Variants in ZSCAN5A observed in about 807,000 individuals in gnomAD.
ZSCAN5A encodes zinc finger and SCAN domain containing 5A.
In ZSCAN5A, 12 loss-of-function variants were observed where a neutral mutation model predicts 23.7. The ratio of observed to expected loss-of-function variants is 0.51; its 90% CI spans 0.32 to 0.82. ZSCAN5A has a LOEUF of 0.82. Among genes scored for constraint, ZSCAN5A ranks in the 40% least tolerant of loss-of-function variants. ZSCAN5A has a pLI of 0.03. For synonymous variants in ZSCAN5A, 257 were observed against 239.9 expected (o/e 1.07, Z -0.66); for missense variants, 597 against 617.9 (o/e 0.97, Z 0.36).
At chr19:56,244,496 T>C in intron 2 of ZSCAN5A, 2 of 1,495,452 alleles carry the variant, frequency 1.3e-6, no homozygotes, top group Non-Finnish European at 1.8e-6. Flanking sequence ...GCAGCTGGAC[T>C]CGAGAGGACC....
intron 2 of ZSCAN5A, among the ~76,000 whole-genome samples, chr19:56,252,202 G>C (rs182111118): frequency 0.013 from 2,007 of 152,310 alleles, 42 homozygotes; most frequent in African/African-American, 0.043. Context: ...GGGTAAGAGA[G>C]GATATGGGAG....
chr19:56,255,181 T>C (rs1440230615), intron 2 of ZSCAN5A, among the ~76,000 whole-genome samples: 2 of 152,192 alleles, frequency 1.3e-5, no homozygotes, highest in Non-Finnish European at 2.9e-5. Context: ...GCTGCTCCCA[T>C]TGGAAACAGG....
chr19:56,223,798 G>GC lies in ZSCAN5A; in HGVS notation c.420dup (p.Gln141AlafsTer9). 2 of 1,613,568 alleles carry GC rather than the reference G, an allele frequency of 1.2e-6. No individual in the cohort carries two copies. Among genetic ancestry groups the GC allele is most frequent in the Non-Finnish European group, 1.7e-6 (2 of 1,180,004 alleles). ...TCAGCCATCTCGATATCTGAGTCCT[G>GC]CACAATATATTCCTTTCCGTGGAAG... is the stretch of plus-strand genomic sequence containing the variant. On this transcript the variant is annotated frameshift_variant, in exon 4 of 6. Transcript: ENST00000683990. LOFTEE classifies it high-confidence loss of function.
intron 2 of ZSCAN5A, chr19:56,304,698 G>C: frequency 1.4e-6 from 1 of 712,330 alleles, no homozygotes; most frequent in Non-Finnish European, 1.7e-6. Context: ...AAAGAAGCGA[G>C]AGGGGGATGG....
At chr19:56,234,776 G>A (rs1462942903) in intron 2 of ZSCAN5A, among the ~76,000 whole-genome samples, 1 of 152,174 alleles carries the variant, frequency 6.6e-6, no homozygotes, top group Non-Finnish European at 1.5e-5. Flanking sequence ...CCTTAGAGTT[G>A]TGAGCCCTTA....
At chr19:56,304,420 G>A (rs184656095) in intron 2 of ZSCAN5A, among the ~76,000 whole-genome samples, 2 of 152,326 alleles carry the variant, frequency 1.3e-5, no homozygotes, top group Admixed American at 6.5e-5. Flanking sequence ...GAGGGAGCTC[G>A]ACTGGCATCC....
intron 2 of ZSCAN5A, chr19:56,312,134 T>G (rs955695841): frequency 6.6e-6 from 1 of 152,238 alleles, no homozygotes; most frequent in African/African-American, 2.4e-5. Flanking sequence ...ATCCTTCATT[T>G]TGTATGAAGT....
chr19:56,284,476 AC>A (rs2038951546), intron 2 of ZSCAN5A, among the ~76,000 whole-genome samples: 1 of 57,818 alleles, frequency 1.7e-5, no homozygotes, highest in African/African-American at 3.6e-5. Context: ...AGATAAGTAA[AC>A]AGAAATTAGA....
At chr19:56,299,743 T>C (rs769668476) in intron 2 of ZSCAN5A, 3 of 152,248 alleles carry the variant, frequency 2.0e-5, no homozygotes, top group South Asian at 2.1e-4. Flanking sequence ...TGTACTGTTA[T>C]ATTTTTGTAT....
At chr19:56,267,567 T>C (rs2146922291) in intron 2 of ZSCAN5A, among the ~76,000 whole-genome samples, 1 of 152,362 alleles carries the variant, frequency 6.6e-6, no homozygotes, top group Admixed American at 6.5e-5. Flanking sequence ...CGCACGTGGC[T>C]AGTGGCCACC....
At chr19:56,321,945 G>A (rs1414889713) in intron 2 of ZSCAN5A, 1 of 780,824 alleles carries the variant, frequency 1.3e-6, no homozygotes, top group Non-Finnish European at 2.4e-6. Flanking sequence ...ATGGCCTTCT[G>A]AAGATATCTC....
intron 2 of ZSCAN5A, among the ~76,000 whole-genome samples, chr19:56,241,453 T>A (rs1168126405): frequency 6.6e-6 from 1 of 152,228 alleles, no homozygotes; most frequent in South Asian, 2.1e-4. Context: ...AAAATTAATT[T>A]GCTTTCAAAT....
At chr19:56,246,846 C>A in intron 2 of ZSCAN5A, 1 of 1,611,428 alleles carries the variant, frequency 6.2e-7, no homozygotes, top group East Asian at 2.2e-5. Flanking sequence ...CGACTCACAG[C>A]GGGAGCAGAG....
chr19:56,320,306 C>T, intron 2 of ZSCAN5A: 1 of 405,336 alleles, frequency 2.5e-6, no homozygotes, highest in Non-Finnish European at 4.7e-6. Context: ...GCAGGCAGAT[C>T]ACCTGAGGTC....
intron 2 of ZSCAN5A, among the ~76,000 whole-genome samples, chr19:56,331,815 A>G (rs578129240): frequency 1.6e-3 from 240 of 151,610 alleles, no homozygotes; most frequent in Non-Finnish European, 2.8e-3. Context: ...TGAACTCCTG[A>G]CCTCAGGTGG....
chr19:56,328,453 G>A (rs2041456794), intron 2 of ZSCAN5A, among the ~76,000 whole-genome samples: 1 of 150,446 alleles, frequency 6.6e-6, no homozygotes, highest in African/African-American at 2.4e-5. Flanking sequence ...AGACCAGCCT[G>A]ACCAACATGG....
chr19:56,257,613 C>G (rs1356968380), intron 2 of ZSCAN5A, among the ~76,000 whole-genome samples: 2 of 144,850 alleles, frequency 1.4e-5, no homozygotes, highest in African/African-American at 2.6e-5. Flanking sequence ...TGCCCATCTT[C>G]TTAGACACAG....
At chr19:56,339,742 C>G (rs8103436) in intron 2 of ZSCAN5A, among the ~76,000 whole-genome samples, 1 of 60,830 alleles carries the variant, frequency 1.6e-5, no homozygotes, top group Non-Finnish European at 3.4e-5. Context: ...GAAGGAGCGG[C>G]TGTAGCCGCA....
At chr19:56,227,967 C>G (rs1054476262) in intron 2 of ZSCAN5A, among the ~76,000 whole-genome samples, 2 of 151,804 alleles carry the variant, frequency 1.3e-5, no homozygotes, top group East Asian at 3.9e-4. Flanking sequence ...CGGAGGCGGG[C>G]GGATCGCTTG....
Sources: allele counts gnomAD v4.1 joint callset (sites outside exome capture counted in the v4.1 genomes callset), GRCh38; gene constraint gnomAD v4.1.1; transcripts MANE v1.5; gene names NCBI Gene and HGNC (gene_info 2026-07-23, HGNC 2026-07-21).